The following CSMD1 variants were observed in gnomAD, a reference collection of about 807,000 sequenced individuals.
The protein encoded by CSMD1 is CUB and sushi domain-containing protein 1.
A neutral mutation model predicts 417.5 loss-of-function variants in CSMD1; 213 were observed. That is an observed-to-expected ratio of 0.51 (90% confidence interval 0.46 to 0.57). CSMD1 has a LOEUF of 0.57. Among genes scored for constraint, CSMD1 ranks in the 20% least tolerant of loss-of-function variants. CSMD1 has a pLI of 0.00. For synonymous variants in CSMD1, 2,862 were observed against 1,736.8 expected, an observed-to-expected ratio of 1.65 and a Z score of -16.11; for missense variants, 6,923 against 4,529.7, an observed-to-expected ratio of 1.53 and a Z score of -15.17.
chr8:3,830,389 T>C (rs772529856), intron 5 of CSMD1, among the ~76,000 whole-genome samples: 1 of 152,218 alleles, frequency 6.6e-6, no homozygotes, highest in East Asian at 1.9e-4. Context: ...AGACGTTACC[T>C]GGACCGCTTC....
chr8:3,688,455 C>T (rs369788777), intron 7 of CSMD1, among the ~76,000 whole-genome samples: 2 of 152,170 alleles, frequency 1.3e-5, no homozygotes, highest in Non-Finnish European at 2.9e-5. Flanking sequence ...GCAAATGACT[C>T]ATCCTACGTG....
chr8:4,889,211 C>A (rs752321698), intron 1 of CSMD1, among the ~76,000 whole-genome samples: 5 of 152,080 alleles, frequency 3.3e-5, no homozygotes, highest in African/African-American at 7.3e-5. Flanking sequence ...AGTGTCAAAG[C>A]TGGTATCAGT....
chr8:4,160,315 A>G (rs1241005855), intron 3 of CSMD1, among the ~76,000 whole-genome samples: 7 of 152,218 alleles, frequency 4.6e-5, no homozygotes, highest in Admixed American at 4.6e-4. Context: ...AGCAACAAGC[A>G]TAAAAATAAA....
At chr8:3,532,818 T>G (rs903329081) in intron 10 of CSMD1, among the ~76,000 whole-genome samples, 2 of 152,188 alleles carry the variant, frequency 1.3e-5, no homozygotes, top group African/African-American at 4.8e-5. Flanking sequence ...TGATTCACAT[T>G]TGAAGTCATT....
intron 3 of CSMD1, among the ~76,000 whole-genome samples, chr8:4,143,619 G>A (rs941306250): frequency 6.6e-6 from 1 of 151,016 alleles, no homozygotes; most frequent in Non-Finnish European, 1.5e-5. Flanking sequence ...GGCACTCTGA[G>A]GGTACACCTG....
chr8:3,039,754 A>G (rs1810963784), intron 50 of CSMD1, among the ~76,000 whole-genome samples: 1 of 152,276 alleles, frequency 6.6e-6, no homozygotes, highest in South Asian at 2.1e-4. Context: ...TAGCAACTTG[A>G]GTTACAGCAC....
intron 25 of CSMD1, among the ~76,000 whole-genome samples, chr8:3,290,332 A>C (rs151044108): frequency 0.1 from 15,361 of 146,462 alleles, 1,366 homozygotes; most frequent in Non-Finnish European, 0.14. Context: ...TTCCATATGA[A>C]CTTTAAAGTA....
At chr8:3,877,339 G>T (rs746429223) in intron 5 of CSMD1, among the ~76,000 whole-genome samples, 1 of 152,152 alleles carries the variant, frequency 6.6e-6, no homozygotes, top group African/African-American at 2.4e-5. Context: ...TGTCCATGAT[G>T]GGGGAGGCAT....
intron 7 of CSMD1, among the ~76,000 whole-genome samples, chr8:3,674,269 T>C (rs1585055205): frequency 6.6e-6 from 1 of 152,354 alleles, no homozygotes; most frequent in East Asian, 1.9e-4. Context: ...GTAACCCATG[T>C]TGCTTTATTG....
At chr8:4,312,674 T>C (rs1341310174) in intron 3 of CSMD1, among the ~76,000 whole-genome samples, 4 of 151,672 alleles carry the variant, frequency 2.6e-5, no homozygotes, top group Admixed American at 2.6e-4. Flanking sequence ...GTCAGGAGTT[T>C]GAGACCAGCC....
chr8:4,391,478 C>G (rs1027925348), intron 3 of CSMD1, among the ~76,000 whole-genome samples: 15 of 152,096 alleles, frequency 9.9e-5, no homozygotes, highest in Admixed American at 2.0e-4. Flanking sequence ...GAACATAGAA[C>G]TCTGACCCAC....
intron 11 of CSMD1, chr8:3,469,310 A>G (rs1816954108): frequency 6.6e-6 from 1 of 152,428 alleles, no homozygotes; most frequent in Non-Finnish European, 1.5e-5. Flanking sequence ...TAGAACTAGT[A>G]TGTAACTTTA....
intron 10 of CSMD1, among the ~76,000 whole-genome samples, chr8:3,530,826 C>T (rs1482593160): frequency 2.0e-5 from 3 of 150,720 alleles, no homozygotes; most frequent in Non-Finnish European, 4.4e-5. Flanking sequence ...ACCATGCCTG[C>T]CCTGCTGCAG....
At chr8:4,456,724 G>C (rs545362239) in intron 2 of CSMD1, among the ~76,000 whole-genome samples, 9 of 152,214 alleles carry the variant, frequency 5.9e-5, no homozygotes, top group South Asian at 4.2e-4. Context: ...ACCCCCTGCT[G>C]CATCAGTCCT....
At chr8:3,837,550 A>G (rs1285733977) in intron 5 of CSMD1, among the ~76,000 whole-genome samples, 1 of 152,206 alleles carries the variant, frequency 6.6e-6, no homozygotes, top group Non-Finnish European at 1.5e-5. Flanking sequence ...CCCCCAAGAT[A>G]ACATTACCAA....
At chr8:3,713,000 C>T (rs1379819630) in intron 6 of CSMD1, among the ~76,000 whole-genome samples, 1 of 152,012 alleles carries the variant, frequency 6.6e-6, no homozygotes, top group Non-Finnish European at 1.5e-5. Context: ...TTTAGGTTTT[C>T]TCATCGCAAA....
At chr8:4,633,180 G>C (rs774701369) in intron 2 of CSMD1, among the ~76,000 whole-genome samples, 14 of 136,554 alleles carry the variant, frequency 1.0e-4, no homozygotes, top group Admixed American at 3.2e-4. Flanking sequence ...AGCCTTCGTA[G>C]GAACATTTAC....
At chr8:3,989,525 T>C (rs892616397) in intron 5 of CSMD1, among the ~76,000 whole-genome samples, 1 of 152,206 alleles carries the variant, frequency 6.6e-6, no homozygotes, top group Non-Finnish European at 1.5e-5. Context: ...CAGGGTAGGA[T>C]AAAGCACATG....
intron 12 of CSMD1, among the ~76,000 whole-genome samples, chr8:3,452,673 G>C (rs942485374): frequency 2.6e-5 from 4 of 152,196 alleles, no homozygotes; most frequent in Non-Finnish European, 4.4e-5. Context: ...AAACCCACTT[G>C]ATCATGGTGG....
Sources: allele counts gnomAD v4.1 joint callset (sites outside exome capture counted in the v4.1 genomes callset), GRCh38; gene constraint gnomAD v4.1.1; transcripts MANE v1.5; gene names NCBI Gene and HGNC (gene_info 2026-07-23, HGNC 2026-07-21).